FTO: variants seen among roughly 807,000 people sequenced by gnomAD.
FTO encodes the protein alpha-ketoglutarate-dependent dioxygenase FTO.
Under a neutral mutation model 63.9 loss-of-function variants are expected in FTO, and 47 were observed. That is an observed-to-expected ratio of 0.74 (90% confidence interval 0.58 to 0.94). The LOEUF (loss-of-function observed/expected upper bound fraction) is 0.94, where lower values mean the gene tolerates loss of function less well. FTO is among the 40% of genes least tolerant of loss of function. The probability of loss-of-function intolerance (pLI) is 0.00; values close to 1 mark genes in which losing one functional copy is unlikely to be tolerated. For missense variants in FTO, 562 were observed against 618.1 expected (o/e 0.91, Z 0.96); for synonymous variants, 207 against 224.4 (o/e 0.92, Z 0.69).
At chr16:53,984,828 T>C (rs539586978) in intron 8 of FTO, 139 of 425,348 alleles carry the variant, frequency 3.3e-4, no homozygotes, top group Admixed American at 7.2e-4. Context: ...TTAATTATTT[T>C]AATATTGATT....
In FTO at chr16:53,889,222, T is replaced by A. The variant is rs185828746; in HGVS notation, c.1239+271T>A. ...GAGGATAACAATTCGAAAATAATATTTAACATTCATTTGCATTTTTATATG... is the reference window on the plus strand; with the variant it reads ...GAGGATAACAATTCGAAAATAATATATAACATTCATTTGCATTTTTATATG... On this transcript the variant is annotated intron_variant, in intron 7 of 8. Transcript: ENST00000471389. 3.7e-3 allele frequency among the ~76,000 whole-genome samples: 567 copies of A among 152,186 alleles called. 28 individuals are homozygous for A. The East Asian group carries it at 0.099, about 27-fold the overall frequency.
intron 1 of FTO, among the ~76,000 whole-genome samples, chr16:53,787,295 T>G (rs1015805727): frequency 6.6e-6 from 1 of 151,504 alleles, no homozygotes; most frequent in Non-Finnish European, 1.5e-5. Context: ...ATGGCTCTGA[T>G]GTTGTTGGAA....
intron 8 of FTO, among the ~76,000 whole-genome samples, chr16:54,060,757 G>T (rs1260586662): frequency 6.6e-6 from 1 of 152,182 alleles, no homozygotes; most frequent in African/African-American, 2.4e-5. Context: ...ATTATCTATG[G>T]CATGTACTTT....
At position 53,823,577 on chromosome 16, in the gene FTO, C is replaced by T. The variant is rs965020260; in HGVS notation, c.124-2287C>T. Among the ~76,000 whole-genome samples, 9 of 148,668 alleles carry T rather than the reference C, an allele frequency of 6.1e-5. No homozygotes were observed. In the South Asian group the frequency reaches 2.0e-3, roughly 33 times the overall value. On this transcript the variant is annotated intron_variant, in intron 2 of 8. Coordinates refer to ENST00000471389, the MANE Select transcript of FTO (RefSeq NM_001080432.3). The stretch of plus-strand genomic sequence containing the variant: ...GCTCTACAGTGAACTCTTCATTTCC[C>T]CCTTTTCTTCTTTCTACTATTTCTC...
intron 8 of FTO, among the ~76,000 whole-genome samples, chr16:53,983,745 C>T (rs897207082): frequency 6.6e-5 from 10 of 152,066 alleles, no homozygotes; most frequent in South Asian, 2.1e-4. Flanking sequence ...AGCACACCCC[C>T]GGTCTAAGAG....
In FTO at chr16:53,889,049, C is replaced by T. The variant is rs1282695129; in HGVS notation, c.1239+98C>T. The T allele has an allele frequency of 3.7e-6, 5 of 1,347,356 alleles. No individual in the cohort carries two copies. In the African/African-American group the frequency reaches 7.2e-5, roughly 19 times the overall value. The allele number at this position is 1,347,356 out of a possible 1,614,324, so 83.5% of individuals were successfully genotyped here. ...TTAGGCAAATGTAGATTTAATTATT[C>T]CTAATTATCAAGTTAGATTCTTCTT... On this transcript the variant is annotated intron_variant, in intron 7 of 8. Coordinates refer to ENST00000471389, the MANE Select transcript of FTO (RefSeq NM_001080432.3).
intron 1 of FTO, among the ~76,000 whole-genome samples, chr16:53,723,674 T>C (rs2076089418): frequency 6.6e-6 from 1 of 152,200 alleles, no homozygotes; most frequent in Non-Finnish European, 1.5e-5. Context: ...TTTGCCTTCA[T>C]TTATAAAAGA....
At chr16:53,922,279 C>T (rs1460245790) in intron 7 of FTO, among the ~76,000 whole-genome samples, 1 of 152,130 alleles carries the variant, frequency 6.6e-6, no homozygotes, top group Non-Finnish European at 1.5e-5. Context: ...AAAGCAGCAG[C>T]ATATCCCAAG....
intron 1 of FTO, among the ~76,000 whole-genome samples, chr16:53,711,041 A>G (rs974973732): frequency 6.6e-6 from 1 of 152,222 alleles, no homozygotes; most frequent in Non-Finnish European, 1.5e-5. Flanking sequence ...GAGATATTAT[A>G]TAGCACATAA....
At chr16:53,781,178 A>G (rs1442535137) in intron 1 of FTO, among the ~76,000 whole-genome samples, 1 of 152,234 alleles carries the variant, frequency 6.6e-6, no homozygotes, top group African/African-American at 2.4e-5. Context: ...TTGAGTAATC[A>G]GGGTTCAGAG....
At chr16:53,778,761 G>T (rs1942790705) in intron 1 of FTO, among the ~76,000 whole-genome samples, 1 of 151,992 alleles carries the variant, frequency 6.6e-6, no homozygotes, top group African/African-American at 2.4e-5. Context: ...GGAATTCCTG[G>T]GGCCTGATTT....
rs562370805 is a variant in FTO, at chr16:53,705,185, A to T, written c.45+956A>T. On this transcript the variant is annotated intron_variant, in intron 1 of 8. Coordinates refer to ENST00000471389, the MANE Select transcript of FTO (RefSeq NM_001080432.3). ...TACCATTCTCTTCTGCACACCATAG[A>T]GTAAGATCTTCGTGAAATGCAAATA... 3.3e-5 allele frequency among the ~76,000 whole-genome samples: 5 copies of T among 152,236 alleles called. No individual in the cohort carries two copies. The East Asian group carries it at 9.7e-4, about 29-fold the overall frequency.
rs760025896 is a variant in FTO at position 53,879,875 on chromosome 16, A to G, written c.1007A>G (p.Gln336Arg). 6.2e-7 allele frequency: 1 copy of G among 1,613,990 alleles called. No homozygotes were observed. The highest frequency in any genetic ancestry group is 1.3e-5 in the African/African-American group (1 of 75,002). The change falls in exon 6 of 9, where the codon CAA (glutamine) becomes CGA (arginine). Residue 336 changes from glutamine (Q) to arginine (R), a missense_variant. Transcript: ENST00000471389. ...ACAGGAACCTTGGATTATATTTTAC[A>G]ACGCTGTCAGTTGGCTCTGCAGAAT... ...CSTGTLDYIL[Q>R]RCQLALQNVC...
intron 4 of FTO, among the ~76,000 whole-genome samples, chr16:53,856,219 G>C (rs750122111): frequency 1.3e-5 from 2 of 152,042 alleles, no homozygotes; most frequent in Non-Finnish European, 2.9e-5. Flanking sequence ...TTTATTGAAG[G>C]TTCGAATTTA....
At chr16:54,035,239 C>G (rs2084917098) in intron 8 of FTO, among the ~76,000 whole-genome samples, 1 of 152,134 alleles carries the variant, frequency 6.6e-6, no homozygotes, top group Non-Finnish European at 1.5e-5. Flanking sequence ...ATCAAGAAAA[C>G]AGCAAAGAAG....
chr16:54,025,056 C>G (rs1252904736), intron 8 of FTO, among the ~76,000 whole-genome samples: 1 of 152,182 alleles, frequency 6.6e-6, no homozygotes, highest in Non-Finnish European at 1.5e-5. Context: ...TATAATAAAA[C>G]AGCTTTTATT....
At chr16:53,884,363 C>G (rs2080941936) in intron 6 of FTO, among the ~76,000 whole-genome samples, 2 of 152,136 alleles carry the variant, frequency 1.3e-5, no homozygotes, top group Admixed American at 6.5e-5. Context: ...TATTGTTTGG[C>G]TCTCATTTTC....
intron 8 of FTO, 77 bp from the exon 9 acceptor site, chr16:54,111,685 T>C: frequency 6.7e-7 from 1 of 1,499,642 alleles, no homozygotes; most frequent in Non-Finnish European, 9.3e-7. Flanking sequence ...TGGCCAGTGT[T>C]GCTCCAAGCT....
intron 8 of FTO, among the ~76,000 whole-genome samples, chr16:54,030,008 T>C (rs574289509): frequency 2.0e-5 from 3 of 152,280 alleles, no homozygotes; most frequent in African/African-American, 7.2e-5. Flanking sequence ...CATGAGAAAA[T>C]ATTTCAGGTA....
Sources: allele counts gnomAD v4.1 joint callset (sites outside exome capture counted in the v4.1 genomes callset), GRCh38; gene constraint gnomAD v4.1.1; transcripts MANE v1.5; gene names NCBI Gene and HGNC (gene_info 2026-07-23, HGNC 2026-07-21).